UNC13C: variants seen among roughly 807,000 people sequenced by gnomAD.
UNC13C encodes unc-13 homolog C.
In UNC13C, 174 loss-of-function variants were observed where a neutral mutation model predicts 245.4. That is an observed-to-expected ratio of 0.71 (90% CI 0.63 to 0.80). The LOEUF (loss-of-function observed/expected upper bound fraction) is 0.80. UNC13C is among the 30% of genes least tolerant of loss of function. The pLI, the probability that UNC13C is intolerant of heterozygous loss-of-function variation, is 0.00. For missense variants in UNC13C, 2,829 were observed against 2,602.9 expected (o/e 1.09, Z -1.89); for synonymous variants, 992 against 895.1 (o/e 1.11, Z -1.93).
chr15:54,192,873 C>G (rs1230555699), intron 4 of UNC13C, among the ~76,000 whole-genome samples: 1 of 151,218 alleles, frequency 6.6e-6, no homozygotes, highest in East Asian at 1.9e-4. Context: ...ACAGGTTTCT[C>G]TCTCTTTCTT....
chr15:54,471,825 A>G (rs1892477518), intron 19 of UNC13C, among the ~76,000 whole-genome samples: 1 of 151,666 alleles, frequency 6.6e-6, no homozygotes, highest in Admixed American at 6.6e-5. Flanking sequence ...TTATCTGTCT[A>G]TGACTTGTCT....
intron 30 of UNC13C, among the ~76,000 whole-genome samples, chr15:54,588,163 T>C (rs1898588054): frequency 6.6e-6 from 1 of 152,204 alleles, no homozygotes; most frequent in South Asian, 2.1e-4. Flanking sequence ...CCTTGGCTTC[T>C]GCCTCTCTAG....
downstream of UNC13C, chr15:54,631,357 A>G (rs375630966): frequency 1.3e-5 from 2 of 152,324 alleles, no homozygotes; most frequent in Admixed American, 6.5e-5. Context: ...AAAAATATGC[A>G]TATTTTTTAA....
chr15:54,477,762 A>G (rs75043111), intron 19 of UNC13C, among the ~76,000 whole-genome samples: 50,715 of 135,766 alleles, frequency 0.37, 9,530 homozygotes, highest in East Asian at 0.57. Flanking sequence ...ATATTGGTCT[A>G]AAATTCTCTT....
chr15:54,086,999 G>T (rs1899281982), intron 2 of UNC13C, among the ~76,000 whole-genome samples: 2 of 151,900 alleles, frequency 1.3e-5, no homozygotes, highest in South Asian at 4.2e-4. Context: ...CTCCCAAAGT[G>T]CTGGGATTAC....
chr15:54,244,756 A>C (rs2035948591), intron 7 of UNC13C, among the ~76,000 whole-genome samples: 1 of 152,052 alleles, frequency 6.6e-6, no homozygotes, highest in African/African-American at 2.4e-5. Flanking sequence ...GTCTGTTCAC[A>C]ATTTGGCTCT....
chr15:54,347,952 C>T (rs2038896060), intron 17 of UNC13C, among the ~76,000 whole-genome samples: 1 of 152,052 alleles, frequency 6.6e-6, no homozygotes, highest in African/African-American at 2.4e-5. Flanking sequence ...TTATCTCTAT[C>T]AACCTGTGAT....
intron 4 of UNC13C, among the ~76,000 whole-genome samples, chr15:54,230,144 T>A (rs2035509698): frequency 2.5e-5 from 2 of 78,860 alleles, no homozygotes; most frequent in African/African-American, 9.6e-5. Flanking sequence ...TTCTGTTTTT[T>A]ACTTATTTGA....
intron 4 of UNC13C, among the ~76,000 whole-genome samples, chr15:54,192,719 T>C (rs2034225768): frequency 6.6e-6 from 1 of 152,170 alleles, no homozygotes; most frequent in Non-Finnish European, 1.5e-5. Context: ...TTCTGTTAGT[T>C]TCACTTGAGA....
chr15:54,097,730 T>C (rs934189), intron 2 of UNC13C, among the ~76,000 whole-genome samples: 149,070 of 152,210 alleles, frequency 0.98, 73,092 homozygotes, highest in Middle Eastern at 1. Context: ...TCTCTTGGTC[T>C]GCAAAGGATT....
intron 17 of UNC13C, among the ~76,000 whole-genome samples, chr15:54,391,768 T>G (rs2039961737): frequency 6.6e-6 from 1 of 152,146 alleles, no homozygotes; most frequent in Non-Finnish European, 1.5e-5. Context: ...TATATGCTCT[T>G]AAAAGTACAT....
chr15:54,341,917 A>G (rs1308833304), intron 17 of UNC13C, among the ~76,000 whole-genome samples: 2 of 151,394 alleles, frequency 1.3e-5, no homozygotes, highest in Non-Finnish European at 2.9e-5. Flanking sequence ...CGGAGCTTGC[A>G]GTGAGCCGAG....
chr15:53,919,359 A>G, the UNC13C span, among the ~76,000 whole-genome samples: 66 of 152,198 alleles, frequency 4.3e-4, no homozygotes, highest in Non-Finnish European at 7.9e-4. Context: ...ATAACAGAAG[A>G]ACTTACTTGT....
chr15:54,484,454 A>G (rs749976397), intron 19 of UNC13C, among the ~76,000 whole-genome samples: 52 of 152,240 alleles, frequency 3.4e-4, no homozygotes, highest in Non-Finnish European at 7.3e-4. Flanking sequence ...TGAATTGAAC[A>G]TGTCAGAACT....
At chr15:54,116,115 T>C (rs2030227865) in intron 2 of UNC13C, among the ~76,000 whole-genome samples, 1 of 152,120 alleles carries the variant, frequency 6.6e-6, no homozygotes, top group African/African-American at 2.4e-5. Context: ...CCCCCTCACC[T>C]ACCCTTCCCA....
the UNC13C span, among the ~76,000 whole-genome samples, chr15:53,868,220 A>G: frequency 6.6e-6 from 1 of 152,234 alleles, no homozygotes; most frequent in Non-Finnish European, 1.5e-5. Flanking sequence ...GACCACCCTG[A>G]ATTTGCAGGC....
rs1900854238 is a variant in UNC13C, at chr15:54,622,423, T to A, written c.6199+4T>A. On this transcript the variant is annotated splice_donor_region_variant and intron_variant, in intron 31 of 32. Transcript: ENST00000260323. ...GATCATAAAGTCACTGTAAAAGGTA[T>A]ACTTCTGGTCTAGATAAATCAAAAC... 1.2e-6 allele frequency: 2 copies of A among 1,606,780 alleles called. No individual in the cohort carries two copies. The highest frequency in any genetic ancestry group is 1.7e-6 in the Non-Finnish European group (2 of 1,173,708).
intron 1 of UNC13C, among the ~76,000 whole-genome samples, chr15:53,988,759 T>C (rs188943627): frequency 6.6e-6 from 1 of 151,956 alleles, no homozygotes; most frequent in Non-Finnish European, 1.5e-5. Context: ...GAAAATCTAC[T>C]GTTTGTTGAA....
intron 13 of UNC13C, chr15:54,321,135 C>T (rs1318479326): frequency 7.7e-6 from 4 of 516,816 alleles, no homozygotes; most frequent in Non-Finnish European, 1.5e-5. Context: ...CCATCTCTTG[C>T]TCTGACAGGG....
Sources: allele counts gnomAD v4.1 joint callset (sites outside exome capture counted in the v4.1 genomes callset), GRCh38; gene constraint gnomAD v4.1.1; transcripts MANE v1.5; gene names NCBI Gene and HGNC (gene_info 2026-07-23, HGNC 2026-07-21).